Variants in SLCO1B1 observed in about 807,000 individuals in gnomAD.
The protein encoded by SLCO1B1 is OATP-2.
Under a neutral mutation model 70.1 loss-of-function variants are expected in SLCO1B1, and 81 were observed. The ratio of observed to expected loss-of-function variants is 1.16; its 90% CI spans 0.97 to 1.39. SLCO1B1 has a LOEUF of 1.39. Among genes scored for constraint, SLCO1B1 ranks in the 40% most tolerant of loss-of-function variants. The pLI is 0.00. For synonymous variants in SLCO1B1, 283 were observed against 271.5 expected (o/e 1.04, Z -0.42); for missense variants, 895 against 799.6 (o/e 1.12, Z -1.44).
intron 11 of SLCO1B1, 136 bp from the exon 12 acceptor site, chr12:21,216,983 G>T (rs1001947545): frequency 4.0e-5 from 28 of 700,330 alleles, no homozygotes; most frequent in Non-Finnish European, 6.4e-5. Context: ...TTAAGCAACT[G>T]TATTTTTAGA....
At chr12:21,208,647 T>A (rs955055073) in intron 11 of SLCO1B1, among the ~76,000 whole-genome samples, 1 of 152,132 alleles carries the variant, frequency 6.6e-6, no homozygotes, top group Non-Finnish European at 1.5e-5. Flanking sequence ...ATAGTTTTAT[T>A]CTAATTCAGT....
At chr12:21,208,537 A>G (rs939451316) in intron 11 of SLCO1B1, among the ~76,000 whole-genome samples, 1 of 152,020 alleles carries the variant, frequency 6.6e-6, no homozygotes, top group Non-Finnish European at 1.5e-5. Context: ...GTGGCCTTGC[A>G]GTATAGTTTG....
intron 11 of SLCO1B1, among the ~76,000 whole-genome samples, chr12:21,208,018 G>T (rs1025315118): frequency 6.6e-6 from 1 of 151,862 alleles, no homozygotes; most frequent in African/African-American, 2.4e-5. Flanking sequence ...AATTGTTCAA[G>T]TTTCTTATAG....
At position 21,217,036 on chromosome 12, in the gene SLCO1B1, T is replaced by C. The variant is rs551330663; in HGVS notation, c.1498-83T>C. On this transcript the variant is annotated intron_variant, in intron 11 of 14. Transcript: ENST00000256958. ...ATATATTAGTTTGAACAAGTGAGAC[T>C]TCACTAAATATAATGCAATGTATTT... The C allele has an allele frequency of 2.7e-5, 28 of 1,023,622 alleles. 1 individual carries two copies. In the South Asian group the frequency reaches 3.5e-4, roughly 13 times the overall value. The allele number at this position is 1,023,622 out of a possible 1,614,324, so 63.4% of individuals were successfully genotyped here.
At chr12:21,158,536 A>G (rs1182157275) in intron 2 of SLCO1B1, among the ~76,000 whole-genome samples, 1 of 152,098 alleles carries the variant, frequency 6.6e-6, no homozygotes, top group African/African-American at 2.4e-5. Context: ...TCTACTAAAA[A>G]TACAAAAATT....
intron 11 of SLCO1B1, among the ~76,000 whole-genome samples, chr12:21,210,025 T>C (rs1941261882): frequency 6.7e-6 from 1 of 150,330 alleles, no homozygotes; most frequent in Admixed American, 6.6e-5. Context: ...TTCACTCTGA[T>C]GGTAGTTTTT....
At chr12:21,189,780 A>G (rs1941007519) in intron 7 of SLCO1B1, among the ~76,000 whole-genome samples, 1 of 151,980 alleles carries the variant, frequency 6.6e-6, no homozygotes, top group Admixed American at 6.6e-5. Flanking sequence ...TGTACACTCT[A>G]ATGTTTTGAA....
At chr12:21,140,199 T>C (rs1280607595) in intron 1 of SLCO1B1, among the ~76,000 whole-genome samples, 1 of 152,072 alleles carries the variant, frequency 6.6e-6, no homozygotes, top group Non-Finnish European at 1.5e-5. Flanking sequence ...TTATAAAACA[T>C]AACTACTGCA....
At chr12:21,161,264 C>T (rs1239972608) in intron 2 of SLCO1B1, among the ~76,000 whole-genome samples, 10 of 152,136 alleles carry the variant, frequency 6.6e-5, no homozygotes, top group African/African-American at 2.2e-4. Flanking sequence ...TGGAATTAAC[C>T]TATATGCCCA....
chr12:21,222,333 G>T lies in SLCO1B1; in HGVS notation c.1716G>T (p.Leu572=), dbSNP rs373681186. The change falls in exon 13 of 15, where the codon CTG becomes CTT. Residue 572 remains leucine, a synonymous_variant. Transcript: ENST00000256958. ...IVQPELKSLA[L]GFHSMVIRAL... is the part of the protein sequence containing the mutation. The stretch of plus-strand genomic sequence containing the variant: ...AACCTGAATTGAAATCACTTGCACT[G>T]GGTTTCCACTCAATGGTTATACGAG... 1.8e-6 allele frequency: 2 copies of T among 1,083,470 alleles called. No individual in the cohort carries two copies. Among genetic ancestry groups the T allele is most frequent in the South Asian group, 3.5e-5 (2 of 56,406 alleles). The allele number at this position is 1,083,470 out of a possible 1,614,324, so 67.1% of individuals were successfully genotyped here.
At chr12:21,196,262 T>A (rs1291571367) in intron 7 of SLCO1B1, among the ~76,000 whole-genome samples, 1 of 152,198 alleles carries the variant, frequency 6.6e-6, no homozygotes, top group African/African-American at 2.4e-5. Flanking sequence ...GCTTTTTTTA[T>A]TACTTAGATT....
chr12:21,131,622 A>G (rs1348233052), intron 1 of SLCO1B1, among the ~76,000 whole-genome samples: 2 of 151,958 alleles, frequency 1.3e-5, no homozygotes, highest in African/African-American at 2.4e-5. Flanking sequence ...TATTTCTTTG[A>G]TGTCTTCTTA....
In SLCO1B1 at chr12:21,197,135, A is replaced by T. The variant is rs1941102848; in HGVS notation, c.917A>T (p.Asp306Val). The T allele has an allele frequency of 6.2e-7, 1 of 1,613,460 alleles. No individual in the cohort carries two copies. Among genetic ancestry groups the T allele is most frequent in the Non-Finnish European group, 8.5e-7 (1 of 1,179,616 alleles). The stretch of plus-strand genomic sequence containing the variant: ...GTGCTGGAAACAAATGATGAAAAGG[A>T]TCAAACAGCTAATTTGACCAATCAA... ...LHVLETNDEK[D>V]QTANLTNQGK... Residue 306 changes from aspartate (D) to valine (V), a missense_variant, in exon 8 of 15, where the codon GAT becomes GTT. Physicochemically the swap from Asp to Val is radical, Grantham distance 152 (BLOSUM62 -3). Transcript: ENST00000256958.
chr12:21,131,444 GA>G (rs1477260691), intron 1 of SLCO1B1, among the ~76,000 whole-genome samples: 2 of 151,924 alleles, frequency 1.3e-5, no homozygotes, highest in Non-Finnish European at 2.9e-5. Flanking sequence ...ATAAAGTAGA[GA>G]AAATAATACC....
intron 9 of SLCO1B1, among the ~76,000 whole-genome samples, chr12:21,201,995 G>A (rs969275698): frequency 6.6e-6 from 1 of 152,156 alleles, no homozygotes; most frequent in Non-Finnish European, 1.5e-5. Flanking sequence ...TAAAGAAAAT[G>A]TGGCACATGT....
At chr12:21,146,314 A>G (rs970336238) in intron 2 of SLCO1B1, among the ~76,000 whole-genome samples, 8 of 151,956 alleles carry the variant, frequency 5.3e-5, no homozygotes, top group African/African-American at 1.9e-4. Flanking sequence ...TATTTCTGTT[A>G]TTAGTAATTT....
chr12:21,210,648 G>C (rs1395626053), intron 11 of SLCO1B1, among the ~76,000 whole-genome samples: 1 of 150,214 alleles, frequency 6.7e-6, no homozygotes, highest in Non-Finnish European at 1.5e-5. Context: ...AATTACCTTG[G>C]GCAGTATGGC....
intron 5 of SLCO1B1, among the ~76,000 whole-genome samples, 177 bp downstream of exon 5, chr12:21,177,074 G>GGTTT (rs1164549175): frequency 5.9e-5 from 9 of 152,060 alleles, no homozygotes; most frequent in Non-Finnish European, 1.5e-5. Context: ...TAACAACACA[G>GGTTT]GTTTAAACTA....
At chr12:21,210,667 C>T (rs369943463) in intron 11 of SLCO1B1, among the ~76,000 whole-genome samples, 6 of 149,366 alleles carry the variant, frequency 4.0e-5, no homozygotes, top group Admixed American at 2.7e-4. Flanking sequence ...GCCATTTTCA[C>T]GATATTGATT....
Sources: gnomAD v4.1 joint callset for allele counts (sites outside exome capture counted in the v4.1 genomes callset) on GRCh38, gnomAD v4.1.1 for gene constraint, MANE v1.5 for transcripts, NCBI Gene and HGNC (gene_info 2026-07-23, HGNC 2026-07-21) for gene names.